The following C12orf42 variants were observed in gnomAD, a reference collection of about 807,000 sequenced individuals.
The protein encoded by C12orf42 is uncharacterized protein C12orf42.
In C12orf42, 25 loss-of-function variants were observed where a neutral mutation model predicts 21.6. The observed-to-expected ratio is 1.16, with a 90% CI of 0.84 to 1.62. C12orf42 has a LOEUF of 1.62. C12orf42 is among the 40% of genes most tolerant of loss of function. C12orf42 has a pLI of 0.00. For synonymous variants in C12orf42, 174 were observed against 175.0 expected (o/e 0.99, Z 0.05); for missense variants, 483 against 459.3 (o/e 1.05, Z -0.47).
chr12:103,330,776 G>A (rs906505682), intron 4 of C12orf42, among the ~76,000 whole-genome samples: 4 of 152,040 alleles, frequency 2.6e-5, no homozygotes, highest in African/African-American at 9.7e-5. Context: ...TGTTTGCAAG[G>A]ACTATCTATA....
At chr12:103,332,037 G>T (rs1037081304) in intron 4 of C12orf42, among the ~76,000 whole-genome samples, 2 of 152,124 alleles carry the variant, frequency 1.3e-5, no homozygotes, top group Non-Finnish European at 2.9e-5. Flanking sequence ...ATATATAGAA[G>T]CAGAAATTAA....
At chr12:103,239,062 G>A (rs1047876124) in intron 10 of C12orf42, among the ~76,000 whole-genome samples, 1 of 152,138 alleles carries the variant, frequency 6.6e-6, no homozygotes, top group African/African-American at 2.4e-5. Context: ...TTTCTCAAGG[G>A]TATATGAGTA....
intron 10 of C12orf42, among the ~76,000 whole-genome samples, chr12:103,254,108 G>C (rs1177478838): frequency 6.6e-6 from 1 of 151,940 alleles, no homozygotes; most frequent in African/African-American, 2.4e-5. Context: ...TTATAGTTTT[G>C]AGATTTACAT....
At chr12:103,248,217 A>G (rs2034106893) in intron 10 of C12orf42, among the ~76,000 whole-genome samples, 1 of 152,036 alleles carries the variant, frequency 6.6e-6, no homozygotes, top group South Asian at 2.1e-4. Context: ...TTTGTAAAAC[A>G]ATGAATCCAT....
At chr12:103,372,280 G>T (rs1396282463) in intron 3 of C12orf42, among the ~76,000 whole-genome samples, 2 of 152,018 alleles carry the variant, frequency 1.3e-5, no homozygotes, top group African/African-American at 4.8e-5. Flanking sequence ...ATATGGCACT[G>T]GCCTTCTTAA....
intron 2 of C12orf42, among the ~76,000 whole-genome samples, chr12:103,464,587 A>G (rs907707353): frequency 6.6e-6 from 1 of 151,826 alleles, no homozygotes; most frequent in Non-Finnish European, 1.5e-5. Flanking sequence ...CCATTTGTCA[A>G]TTTTTGCTTT....
the C12orf42 span, among the ~76,000 whole-genome samples, chr12:103,529,679 C>G: frequency 6.6e-6 from 1 of 152,186 alleles, no homozygotes; most frequent in Non-Finnish European, 1.5e-5. Flanking sequence ...TTCTGCTCTT[C>G]AGAAACCTGG....
downstream of C12orf42, among the ~76,000 whole-genome samples, chr12:103,267,129 T>C (rs2035208291): frequency 6.6e-6 from 1 of 152,124 alleles, no homozygotes; most frequent in South Asian, 2.1e-4. Flanking sequence ...ACCCCCTGTG[T>C]AAATCCTGCA....
At chr12:103,270,154 A>G (rs2035375001) in intron 5 of C12orf42, 1 of 152,126 alleles carries the variant, frequency 6.6e-6, no homozygotes, top group Admixed American at 6.6e-5. Context: ...CTTACAGTAC[A>G]ACATAGTGGA....
chr12:103,047,665 G>A, the C12orf42 span, among the ~76,000 whole-genome samples: 4 of 152,164 alleles, frequency 2.6e-5, no homozygotes, highest in Non-Finnish European at 4.4e-5. Flanking sequence ...TCTGGGCCTC[G>A]GGTTTGATGG....
At chr12:103,361,857 C>G (rs1021825742) in intron 4 of C12orf42, among the ~76,000 whole-genome samples, 1 of 152,022 alleles carries the variant, frequency 6.6e-6, no homozygotes, top group Non-Finnish European at 1.5e-5. Context: ...AAAGACTCAC[C>G]CAAGGGGAGT....
chr12:103,211,284 C>A, the C12orf42 span, among the ~76,000 whole-genome samples: 3 of 152,108 alleles, frequency 2.0e-5, no homozygotes, highest in African/African-American at 7.2e-5. Context: ...ATAAGGCCAC[C>A]AATCCTATCT....
intron 2 of C12orf42, among the ~76,000 whole-genome samples, chr12:103,460,272 A>C (rs1038150197): frequency 1.4e-4 from 10 of 72,564 alleles, no homozygotes; most frequent in African/African-American, 5.0e-4. Context: ...TGGACAGAAC[A>C]AAAAAAAAAA....
chr12:103,402,919 A>G (rs1327030470), intron 2 of C12orf42, among the ~76,000 whole-genome samples: 1 of 152,228 alleles, frequency 6.6e-6, no homozygotes, highest in Non-Finnish European at 1.5e-5. Context: ...GAAGCTGAGT[A>G]GTGCTACAAC....
At chr12:103,050,722 G>T in the C12orf42 span, among the ~76,000 whole-genome samples, 2 of 151,584 alleles carry the variant, frequency 1.3e-5, no homozygotes, top group African/African-American at 2.4e-5. Flanking sequence ...TAGAGGTCCT[G>T]GTATACTAGA....
At chr12:103,302,586 C>A in intron 5 of C12orf42, 27 bp from the exon 6 acceptor site, 1 of 1,576,296 alleles carries the variant, frequency 6.3e-7, no homozygotes, top group Non-Finnish European at 8.6e-7. Flanking sequence ...GAAAGCAGGA[C>A]AGAGATGAGG....
intron 1 of C12orf42, among the ~76,000 whole-genome samples, chr12:103,485,139 G>C (rs1356575243): frequency 6.6e-6 from 1 of 152,092 alleles, no homozygotes; most frequent in Non-Finnish European, 1.5e-5. Flanking sequence ...AAAGTGCTGG[G>C]ATTACAGGCA....
At chr12:103,496,952 TA>T (rs150796449), upstream of C12orf42, among the ~76,000 whole-genome samples, 24,624 of 149,808 alleles carry the variant, frequency 0.16, 2,545 homozygotes, top group African/African-American at 0.29. Flanking sequence ...TTTATTTCTT[TA>T]AAAAAAAAAG....
the C12orf42 span, among the ~76,000 whole-genome samples, chr12:103,110,405 T>G: frequency 6.6e-6 from 1 of 152,234 alleles, no homozygotes; most frequent in Admixed American, 6.5e-5. Flanking sequence ...TATAGAAGGA[T>G]ATATAGCCAC....
Sources: allele counts gnomAD v4.1 joint callset (sites outside exome capture counted in the v4.1 genomes callset), GRCh38; gene constraint gnomAD v4.1.1; transcripts MANE v1.5; gene names NCBI Gene and HGNC (gene_info 2026-07-23, HGNC 2026-07-21).